Variants in MAGI2 observed in about 807,000 individuals in gnomAD.
MAGI2 encodes membrane associated guanylate kinase, WW and PDZ domain containing 2.
Under a neutral mutation model 133.3 loss-of-function variants are expected in MAGI2, and 35 were observed. The ratio of observed to expected loss-of-function variants is 0.26; its 90% CI spans 0.20 to 0.35. The LOEUF is 0.35. Among genes scored for constraint, MAGI2 ranks in the 10% least tolerant of loss-of-function variants. MAGI2 has a pLI of 1.00. For missense variants in MAGI2, 1,636 were observed against 1,863.4 expected, an observed-to-expected ratio of 0.88 and a Z score of 2.25; for synonymous variants, 729 against 710.6, an observed-to-expected ratio of 1.03 and a Z score of -0.41.
chr7:78,036,568 GAAGTT>G (rs542647662), intron 21 of MAGI2, among the ~76,000 whole-genome samples: 22 of 152,160 alleles, frequency 1.4e-4, no homozygotes, highest in South Asian at 2.1e-4. Context: ...GAGGTTCATA[GAAGTT>G]AAGTGGCTCA....
intron 21 of MAGI2, among the ~76,000 whole-genome samples, chr7:78,044,310 A>T (rs1223778984): frequency 2.0e-5 from 3 of 152,192 alleles, no homozygotes; most frequent in Admixed American, 6.5e-5. Context: ...GGACTAGAGA[A>T]GAGATCTTTC....
chr7:78,374,106 G>A (rs1249120702), intron 6 of MAGI2, among the ~76,000 whole-genome samples: 1 of 152,124 alleles, frequency 6.6e-6, no homozygotes, highest in Non-Finnish European at 1.5e-5. Context: ...TTTCTTTTGG[G>A]TGTATACCCT....
At chr7:78,569,179 G>A (rs1254524206) in intron 3 of MAGI2, among the ~76,000 whole-genome samples, 1 of 151,840 alleles carries the variant, frequency 6.6e-6, no homozygotes, top group Non-Finnish European at 1.5e-5. Flanking sequence ...TTTCTTAAGA[G>A]CCCTTATCGC....
At chr7:78,323,548 C>CTGGAATCCTGCTTCATTGCCT (rs1562822056) in intron 9 of MAGI2, among the ~76,000 whole-genome samples, 1 of 152,286 alleles carries the variant, frequency 6.6e-6, no homozygotes, top group South Asian at 2.1e-4. Flanking sequence ...GAGACCAGCC[C>CTGGAATCCTGCTTCATTGCCT]TGGAATCCTG....
chr7:78,043,114 C>T lies in MAGI2; in HGVS notation c.3707-23138G>A, dbSNP rs576377879. Among the ~76,000 whole-genome samples the T allele has an allele frequency of 5.3e-5, 8 of 152,342 alleles. No individual in the cohort carries two copies. In the East Asian group the frequency reaches 1.3e-3, roughly 26 times the overall value. On this transcript the variant is annotated intron_variant, in intron 21 of 21. Transcript: ENST00000354212. Reference sequence around the variant, plus strand: ...CCTAAATGTTAAATGTTAACTACTTCCCTTGCCTTCTTCACAAAGCTGCCT... The same window carrying T: ...CCTAAATGTTAAATGTTAACTACTTTCCTTGCCTTCTTCACAAAGCTGCCT...
chr7:78,984,127 C>G (rs1805035469), intron 2 of MAGI2, among the ~76,000 whole-genome samples: 1 of 151,906 alleles, frequency 6.6e-6, no homozygotes. Flanking sequence ...CTTTTTCTTC[C>G]ACTCAACATC....
intron 1 of MAGI2, among the ~76,000 whole-genome samples, chr7:79,187,266 T>C (rs1455072601): frequency 4.0e-5 from 6 of 151,788 alleles, no homozygotes; most frequent in Admixed American, 3.9e-4. Flanking sequence ...TTTAACCTTA[T>C]AATTCTATTT....
chr7:78,401,439 TC>T (rs1796852081), intron 6 of MAGI2, among the ~76,000 whole-genome samples: 1 of 111,000 alleles, frequency 9.0e-6, no homozygotes, highest in Non-Finnish European at 1.8e-5. Flanking sequence ...AATTCTTCTC[TC>T]CCTCTGTCTC....
At chr7:79,125,182 G>C in intron 1 of MAGI2, 1 of 354,552 alleles carries the variant, frequency 2.8e-6, no homozygotes, top group Non-Finnish European at 5.5e-6. Flanking sequence ...CTTTGGTTTT[G>C]TAAACACTGA....
chr7:78,775,206 G>A (rs887246090), intron 2 of MAGI2, among the ~76,000 whole-genome samples: 12 of 151,600 alleles, frequency 7.9e-5, no homozygotes, highest in Admixed American at 4.6e-4. Context: ...CCAGCTACTC[G>A]GGAGGCTGAG....
At chr7:78,501,504 G>A (rs191596164) in intron 5 of MAGI2, 73 bp downstream of exon 5, 529 of 978,970 alleles carry the variant, frequency 5.4e-4, no homozygotes, top group Middle Eastern at 4.4e-3. Context: ...TTTTTTCCAC[G>A]TCTAACTTGC....
Position 78,658,133 on chromosome 7 carries a change from G to A in MAGI2, c.419-30894C>T, listed in dbSNP as rs192339636. The stretch of plus-strand genomic sequence containing the variant: ...TAACTCTTGGAGGTAATCTTTTCAG[G>A]AGTTTTTGTACTACAAGTTCAATTA... On this transcript the variant is annotated intron_variant, in intron 2 of 21. Transcript: ENST00000354212. Among the ~76,000 whole-genome samples, 112 of 152,188 alleles carry A rather than the reference G, an allele frequency of 7.4e-4. 3 individuals are homozygous for A. The East Asian group carries it at 0.02, about 27-fold the overall frequency.
chr7:78,211,852 A>G (rs939256935), intron 10 of MAGI2, among the ~76,000 whole-genome samples: 1 of 152,120 alleles, frequency 6.6e-6, no homozygotes. Flanking sequence ...CTTATGCTGT[A>G]TGGACTACGA....
At chr7:78,255,599 T>C in intron 10 of MAGI2, 1 of 489,112 alleles carries the variant, frequency 2.0e-6, no homozygotes, top group Non-Finnish European at 3.6e-6. Context: ...ATTAAATCAA[T>C]GGGAAACCAG....
intron 2 of MAGI2, among the ~76,000 whole-genome samples, chr7:78,964,059 G>A (rs1803095461): frequency 6.6e-6 from 1 of 151,866 alleles, no homozygotes; most frequent in South Asian, 2.1e-4. Flanking sequence ...TGTTAGATAT[G>A]TTTTATCTGA....
rs1457360055 is a variant in MAGI2, at chr7:79,007,183, G to A, written c.325C>T (p.Arg109Cys). 5.0e-6 allele frequency: 8 copies of A among 1,609,424 alleles called. No homozygotes were observed. The highest frequency in any genetic ancestry group is 1.1e-5 in the South Asian group (1 of 89,916). ...TGAAATCGTAAGTTGAGGTAGTGAC[G>A]AAGGTCTTTATCAACAATTCCTCCT... ...KQGGIVDKDLRHYLNLRFQKG... is the reference protein window; with the variant it reads ...KQGGIVDKDLCHYLNLRFQKG... Residue 109 changes from arginine (R) to cysteine (C), a missense_variant, in exon 2 of 22, where the codon CGT (arginine) becomes TGT (cysteine). This residue lies in a region of MAGI2 where 148 missense variants were observed against 239.0 expected (regional missense o/e 0.62). Transcript: ENST00000354212.
At chr7:79,171,185 G>T (rs1282109152) in intron 1 of MAGI2, among the ~76,000 whole-genome samples, 2 of 152,030 alleles carry the variant, frequency 1.3e-5, no homozygotes. Context: ...CAAGGTATCA[G>T]CAGGATTATC....
chr7:78,504,441 G>A (rs1248344212), intron 4 of MAGI2, among the ~76,000 whole-genome samples: 1 of 152,086 alleles, frequency 6.6e-6, no homozygotes, highest in Admixed American at 6.6e-5. Context: ...AGTAGAGCAG[G>A]TACCATCAAG....
intron 21 of MAGI2, among the ~76,000 whole-genome samples, chr7:78,054,639 G>A (rs1475930353): frequency 1.4e-5 from 2 of 147,562 alleles, no homozygotes; most frequent in East Asian, 4.0e-4. Flanking sequence ...GGAAGGACCT[G>A]ACTTGCTATT....
Sources: gnomAD v4.1 joint callset for allele counts (sites outside exome capture counted in the v4.1 genomes callset) on GRCh38, gnomAD v4.1.1 for gene constraint, gnomAD v4.1.1 regional missense constraint, MANE v1.5 for transcripts, NCBI Gene and HGNC (gene_info 2026-07-23, HGNC 2026-07-21) for gene names.